The following BCAS1 variants were observed in gnomAD, a reference collection of about 807,000 sequenced individuals.
The protein encoded by BCAS1 is brain enriched myelin associated protein 1, also known as breast carcinoma-amplified sequence 1.
A neutral mutation model predicts 65.4 loss-of-function variants in BCAS1; 46 were observed. The ratio of observed to expected loss-of-function variants is 0.70; its 90% CI spans 0.55 to 0.90. The LOEUF is 0.90. Ranked by LOEUF, BCAS1 falls within the 40% of genes least tolerant of loss-of-function variation. BCAS1 has a pLI of 0.00. For missense variants in BCAS1, 793 were observed against 771.2 expected (o/e 1.03, Z -0.33); for synonymous variants, 298 against 293.5 (o/e 1.02, Z -0.16).
intron 4 of BCAS1, among the ~76,000 whole-genome samples, chr20:54,006,406 T>C (rs2091191191): frequency 6.6e-6 from 1 of 152,084 alleles, no homozygotes; most frequent in Non-Finnish European, 1.5e-5. Flanking sequence ...GAATGTGTGA[T>C]TAAAGTTTTA....
intron 6 of BCAS1, among the ~76,000 whole-genome samples, chr20:53,993,718 G>A (rs777474458): frequency 2.0e-5 from 3 of 152,136 alleles, no homozygotes; most frequent in Non-Finnish European, 4.4e-5. Context: ...AAAGAAATAC[G>A]TTTTGCCCCA....
At chr20:54,068,569 C>T (rs1304682839) in intron 1 of BCAS1, 2 of 152,362 alleles carry the variant, frequency 1.3e-5, no homozygotes, top group Non-Finnish European at 2.9e-5. Flanking sequence ...TTGCAGAGTC[C>T]CATTATTCCC....
chr20:54,044,878 A>G (rs73132912), intron 3 of BCAS1, among the ~76,000 whole-genome samples: 5,621 of 151,810 alleles, frequency 0.037, 137 homozygotes, highest in Middle Eastern at 0.097. Context: ...AGTGTATTCC[A>G]AATAACTTTT....
intron 8 of BCAS1, 53 bp from the exon 9 acceptor site, chr20:53,975,483 T>C (rs1332441720): frequency 1.3e-6 from 2 of 1,531,908 alleles, no homozygotes; most frequent in African/African-American, 2.7e-5. Flanking sequence ...GAAAACAAAA[T>C]TGTTACATAA....
chr20:54,059,118 C>A (rs887050999), intron 1 of BCAS1, among the ~76,000 whole-genome samples: 23 of 152,158 alleles, frequency 1.5e-4, no homozygotes, highest in African/African-American at 5.6e-4. Context: ...CCCCCATGAT[C>A]CAATTACCTC....
intron 4 of BCAS1, among the ~76,000 whole-genome samples, chr20:54,016,342 A>T (rs2091437739): frequency 6.6e-6 from 1 of 152,254 alleles, no homozygotes; most frequent in Non-Finnish European, 1.5e-5. Context: ...TTGATGCATA[A>T]TAGATGTACA....
At chr20:54,012,905 C>A (rs960024004) in intron 4 of BCAS1, among the ~76,000 whole-genome samples, 4 of 152,212 alleles carry the variant, frequency 2.6e-5, no homozygotes, top group Non-Finnish European at 5.9e-5. Context: ...TTTTTCAGTG[C>A]TGTGCTGCAC....
chr20:54,022,905 C>T (rs906460802), intron 4 of BCAS1, among the ~76,000 whole-genome samples: 21 of 152,162 alleles, frequency 1.4e-4, no homozygotes, highest in Admixed American at 7.9e-4. Context: ...TCATATTAAG[C>T]GTTTCTTACT....
At chr20:54,021,429 AC>A (rs2087623123) in intron 4 of BCAS1, among the ~76,000 whole-genome samples, 1 of 149,802 alleles carries the variant, frequency 6.7e-6, no homozygotes, top group South Asian at 2.2e-4. Context: ...ATTTAAAAAT[AC>A]CTTGTCTCAT....
chr20:53,944,043 C>T lies in BCAS1; in HGVS notation c.*879G>A, dbSNP rs2146156007. 1 of 151,840 alleles carries T rather than the reference C, an allele frequency of 6.6e-6. No homozygotes were observed. Among genetic ancestry groups the T allele is most frequent in the Middle Eastern group, 3.4e-3 (1 of 294 alleles). The allele number at this position is 151,840 out of a possible 1,614,324, so 9.4% of individuals were successfully genotyped here. A position where few individuals can be genotyped will look rare whatever the true frequency, so the allele number is the denominator to read the frequency against. Reference sequence around the variant, plus strand: ...ATTGTTTTCCCAAATCATTTTAAGCCCTCCCCAGTCAATCTTTTCCCTCTC... The same window carrying T: ...ATTGTTTTCCCAAATCATTTTAAGCTCTCCCCAGTCAATCTTTTCCCTCTC... On this transcript the variant is annotated 3_prime_UTR_variant, in exon 13 of 13. Coordinates refer to ENST00000688948, the MANE Select transcript of BCAS1 (RefSeq NM_001366298.2).
chr20:53,993,774 C>T (rs6013862), intron 6 of BCAS1, among the ~76,000 whole-genome samples: 19,176 of 152,182 alleles, frequency 0.13, 2,621 homozygotes, highest in African/African-American at 0.35. Context: ...AAATGAATAA[C>T]TTTATAGGAA....
chr20:53,967,698 G>A (rs1322678381), intron 9 of BCAS1, among the ~76,000 whole-genome samples: 2 of 152,192 alleles, frequency 1.3e-5, no homozygotes, highest in Non-Finnish European at 2.9e-5. Context: ...TAAGTTGTTC[G>A]CGGCCCTGGC....
chr20:54,051,006 T>C (rs987098137), intron 3 of BCAS1, among the ~76,000 whole-genome samples: 5 of 152,326 alleles, frequency 3.3e-5, no homozygotes, highest in Admixed American at 3.3e-4. Context: ...CCAGAATCTC[T>C]AGGCTTAGGC....
chr20:53,976,553 G>T (rs1723257999), intron 8 of BCAS1, among the ~76,000 whole-genome samples: 1 of 152,100 alleles, frequency 6.6e-6, no homozygotes, highest in Non-Finnish European at 1.5e-5. Flanking sequence ...GGTAAGTATT[G>T]TGATCCTAAC....
rs192297225 is a variant in BCAS1, at chr20:53,978,840, G to A, written c.1276-3410C>T. ...ACCCAAGTCTAGAGTACCATACACT[G>A]TGGAATCAGGTACAAATTCAGTGTT... On this transcript the variant is annotated intron_variant, in intron 8 of 12. Coordinates refer to ENST00000688948, the MANE Select transcript of BCAS1 (RefSeq NM_001366298.2). 7.3e-3 allele frequency among the ~76,000 whole-genome samples: 1,107 copies of A among 151,298 alleles called. 10 individuals are homozygous for A. The highest frequency in any genetic ancestry group is 0.043 in the South Asian group (202 of 4,688).
In BCAS1 at chr20:54,058,102, A is replaced by G; in HGVS notation, c.125T>C (p.Val42Ala). Residue 42 changes from valine (V) to alanine (A), a missense_variant, in exon 3 of 13, where the codon GTT becomes GCT. Physicochemically the swap from Val to Ala is moderately conservative, Grantham distance 64 (BLOSUM62 0). Coordinates refer to ENST00000688948, the MANE Select transcript of BCAS1 (RefSeq NM_001366298.2). ...GVPVVVSTHTVQHLEEVDLGI... is the reference protein window; with the variant it reads ...GVPVVVSTHTAQHLEEVDLGI... ...GCACTGACCTTCCTCTAAGTGCTGA[A>G]CTGTGTGGGTCGACACCACCACTGG... 1.2e-6 allele frequency: 2 copies of G among 1,613,752 alleles called. No individual in the cohort carries two copies. The highest frequency in any genetic ancestry group is 1.7e-6 in the Non-Finnish European group (2 of 1,179,918).
chr20:53,957,324 G>T, intron 11 of BCAS1, 108 bp downstream of exon 11: 2 of 996,812 alleles, frequency 2.0e-6, no homozygotes, highest in Non-Finnish European at 3.2e-6. Flanking sequence ...TTAATCCTGA[G>T]ATATTAAATG....
At chr20:54,001,608 G>A (rs1285431019) in intron 4 of BCAS1, among the ~76,000 whole-genome samples, 1 of 152,046 alleles carries the variant, frequency 6.6e-6, no homozygotes, top group Non-Finnish European at 1.5e-5. Context: ...CAGTACAAGA[G>A]GACATCTCTG....
At chr20:54,014,323 T>G (rs143483533) in intron 4 of BCAS1, among the ~76,000 whole-genome samples, 1 of 152,206 alleles carries the variant, frequency 6.6e-6, no homozygotes, top group Admixed American at 6.5e-5. Context: ...TTTGTTGGCT[T>G]CAAAGAGCAA....
Sources: allele counts gnomAD v4.1 joint callset (sites outside exome capture counted in the v4.1 genomes callset), GRCh38; gene constraint gnomAD v4.1.1; transcripts MANE v1.5; gene names NCBI Gene and HGNC (gene_info 2026-07-23, HGNC 2026-07-21).